Variants in EPHA6 observed in about 807,000 individuals in gnomAD.
EPHA6 encodes the protein ephrin type-A receptor 6.
Under a neutral mutation model 112.0 loss-of-function variants are expected in EPHA6, and 50 were observed. That is an observed-to-expected ratio of 0.45 (90% CI 0.36 to 0.56). EPHA6 has a LOEUF of 0.56. Among genes scored for constraint, EPHA6 ranks in the 20% least tolerant of loss-of-function variants. EPHA6 has a pLI of 0.00. For synonymous variants in EPHA6, 529 were observed against 490.7 expected, an observed-to-expected ratio of 1.08 and a Z score of -1.03; for missense variants, 1,280 against 1,417.4, an observed-to-expected ratio of 0.90 and a Z score of 1.56.
chr3:97,275,221 G>C (rs562305628), intron 5 of EPHA6, among the ~76,000 whole-genome samples: 98 of 152,130 alleles, frequency 6.4e-4, no homozygotes, highest in Non-Finnish European at 1.3e-3. Flanking sequence ...TTGAGGTTTG[G>C]GAGATTAGTC....
chr3:96,857,284 G>T (rs2035753456), intron 1 of EPHA6, among the ~76,000 whole-genome samples: 1 of 151,970 alleles, frequency 6.6e-6, no homozygotes, highest in South Asian at 2.1e-4. Flanking sequence ...TTAATGATTT[G>T]CTTCCCTACA....
chr3:96,940,158 T>C (rs1409428024), intron 2 of EPHA6, among the ~76,000 whole-genome samples: 1 of 152,192 alleles, frequency 6.6e-6, no homozygotes, highest in East Asian at 1.9e-4. Flanking sequence ...CTGGGTATCC[T>C]TGTTTACTTT....
intron 6 of EPHA6, among the ~76,000 whole-genome samples, chr3:97,424,769 G>A (rs1487767516): frequency 6.8e-6 from 1 of 146,014 alleles, no homozygotes; most frequent in African/African-American, 2.6e-5. Flanking sequence ...CCACGCCATT[G>A]CACTCCAGCT....
rs112248198 is a variant in EPHA6 at position 97,036,970 on chromosome 3, A to G, written c.1114+48977A>G. ...CCGACCCCTGGAGAATTCCATGGCC[A>G]TTGATGGACTAATATGAGAGGTTCA... On this transcript the variant is annotated intron_variant, in intron 3 of 17. Coordinates refer to ENST00000389672, the MANE Select transcript of EPHA6 (RefSeq NM_001080448.3). Among the ~76,000 whole-genome samples the G allele has an allele frequency of 5.3e-3, 805 of 152,016 alleles. 6 individuals are homozygous for G. The highest frequency in any genetic ancestry group is 0.018 in the African/African-American group (728 of 41,506).
rs577768946 is a variant in EPHA6, at chr3:97,006,678, G to C, written c.1114+18685G>C. On this transcript the variant is annotated intron_variant, in intron 3 of 17. Transcript: ENST00000389672. ...GGATTAATTTGCTCTTGCCTCTCTA[G>C]CTCTTTTAATTTTGATTTTAGGGTG... Among the ~76,000 whole-genome samples, 127 of 152,108 alleles carry C rather than the reference G, an allele frequency of 8.3e-4. 2 individuals are homozygous for C. Among genetic ancestry groups the C allele is most frequent in the African/African-American group, 2.7e-3 (113 of 41,512 alleles).
chr3:97,237,610 A>G (rs1005305645), intron 4 of EPHA6, among the ~76,000 whole-genome samples: 1 of 152,070 alleles, frequency 6.6e-6, no homozygotes, highest in African/African-American at 2.4e-5. Context: ...TCAAGAAATC[A>G]TTCATAATTT....
rs2036080713 is a variant in EPHA6, at chr3:97,758,600, G to A, written c.*9899G>A. Among the ~76,000 whole-genome samples the A allele has an allele frequency of 6.6e-6, 1 of 151,872 alleles. No individual in the cohort carries two copies. The highest frequency in any genetic ancestry group is 1.9e-4 in the East Asian group (1 of 5,174). ...TGTCTCATGGAATTGACCTTCTAGT[G>A]ATAAAGACACACAATGAAGAAATAG... On this transcript the variant is annotated 3_prime_UTR_variant, in exon 18 of 18. Transcript: ENST00000389672.
intron 3 of EPHA6, among the ~76,000 whole-genome samples, chr3:96,990,901 A>C (rs1400972991): frequency 6.6e-6 from 1 of 152,212 alleles, no homozygotes; most frequent in Non-Finnish European, 1.5e-5. Flanking sequence ...CAAGTAGAAA[A>C]GTGACCACAT....
At chr3:97,639,370 A>G (rs2093981374) in intron 14 of EPHA6, among the ~76,000 whole-genome samples, 1 of 152,012 alleles carries the variant, frequency 6.6e-6, no homozygotes, top group East Asian at 1.9e-4. Flanking sequence ...TTTTATCTTT[A>G]CAAATTTATA....
chr3:97,397,964 T>C (rs1456244093), intron 5 of EPHA6, among the ~76,000 whole-genome samples: 3 of 151,536 alleles, frequency 2.0e-5, no homozygotes. Flanking sequence ...TTAGGACATT[T>C]GGACCATGAA....
At chr3:97,458,015 C>G (rs544449702) in intron 7 of EPHA6, among the ~76,000 whole-genome samples, 168 of 141,454 alleles carry the variant, frequency 1.2e-3, no homozygotes, top group Admixed American at 3.4e-3. Context: ...TTGCAGTGAG[C>G]CGAGATCGCG....
At chr3:97,179,455 G>A (rs957429747) in intron 3 of EPHA6, among the ~76,000 whole-genome samples, 1 of 152,190 alleles carries the variant, frequency 6.6e-6, no homozygotes, top group East Asian at 1.9e-4. Context: ...ACACTGAATG[G>A]TTAGGTATTT....
chr3:97,415,974 T>C (rs902720604), intron 6 of EPHA6, among the ~76,000 whole-genome samples: 1 of 152,102 alleles, frequency 6.6e-6, no homozygotes, highest in East Asian at 1.9e-4. Flanking sequence ...ATATTGTTTG[T>C]TGTCAAAATA....
At chr3:97,284,706 C>G (rs2080406770) in intron 5 of EPHA6, among the ~76,000 whole-genome samples, 1 of 152,040 alleles carries the variant, frequency 6.6e-6, no homozygotes, top group African/African-American at 2.4e-5. Flanking sequence ...AGATTTCATA[C>G]TGTTGTTATA....
intron 14 of EPHA6, among the ~76,000 whole-genome samples, chr3:97,651,515 T>A (rs1051868610): frequency 6.6e-5 from 10 of 152,054 alleles, no homozygotes; most frequent in African/African-American, 2.4e-4. Flanking sequence ...CTGCAATACA[T>A]CTAGTCCTTC....
chr3:97,215,682 T>C (rs572480971), intron 3 of EPHA6, among the ~76,000 whole-genome samples: 2 of 152,168 alleles, frequency 1.3e-5, no homozygotes, highest in Admixed American at 1.3e-4. Flanking sequence ...CTTTAATATA[T>C]GTCTTCTCTA....
intron 2 of EPHA6, among the ~76,000 whole-genome samples, chr3:96,924,924 A>G (rs1445390033): frequency 2.0e-5 from 3 of 152,008 alleles, no homozygotes; most frequent in Non-Finnish European, 2.9e-5. Context: ...TGTTTATGTA[A>G]CTATGCAACA....
At chr3:97,335,383 GT>G (rs969051091) in intron 5 of EPHA6, among the ~76,000 whole-genome samples, 3 of 152,126 alleles carry the variant, frequency 2.0e-5, no homozygotes, top group Admixed American at 2.0e-4. Flanking sequence ...ACAAAAAATT[GT>G]TTTTTATAAA....
intron 11 of EPHA6, among the ~76,000 whole-genome samples, chr3:97,557,633 G>T (rs559010630): frequency 1.6e-4 from 24 of 151,574 alleles, no homozygotes; most frequent in Non-Finnish European, 2.1e-4. Context: ...TCCACTTCAG[G>T]GTAGTTTTCT....
Sources: allele counts gnomAD v4.1 joint callset (sites outside exome capture counted in the v4.1 genomes callset), GRCh38; gene constraint gnomAD v4.1.1; transcripts MANE v1.5; gene names NCBI Gene and HGNC (gene_info 2026-07-23, HGNC 2026-07-21).